SORCS3: variants seen among roughly 807,000 people sequenced by gnomAD.
The protein encoded by SORCS3 is sortilin related VPS10 domain containing receptor 3, also known as VPS10 domain-containing receptor SorCS3.
A neutral mutation model predicts 146.3 loss-of-function variants in SORCS3; 57 were observed. The ratio of observed to expected loss-of-function variants is 0.39; its 90% CI spans 0.31 to 0.49. The LOEUF is 0.49. Among genes scored for constraint, SORCS3 ranks in the 20% least tolerant of loss-of-function variants. SORCS3 has a pLI of 0.92. For missense variants in SORCS3, 1,341 were observed against 1,575.5 expected (o/e 0.85, Z 2.52); for synonymous variants, 653 against 618.5 (o/e 1.06, Z -0.83).
intron 7 of SORCS3, among the ~76,000 whole-genome samples, chr10:105,134,579 A>G (rs1019851057): frequency 6.6e-6 from 1 of 150,990 alleles, no homozygotes. Flanking sequence ...AAAGAAGCCT[A>G]GCTAGTTTTC....
intron 9 of SORCS3, among the ~76,000 whole-genome samples, chr10:105,149,501 C>A (rs930638435): frequency 5.3e-5 from 8 of 152,092 alleles, no homozygotes; most frequent in African/African-American, 1.9e-4. Flanking sequence ...CATTTCTATG[C>A]CTCTAATCAT....
intron 1 of SORCS3, among the ~76,000 whole-genome samples, chr10:104,821,462 G>T (rs1454187082): frequency 6.6e-6 from 1 of 152,172 alleles, no homozygotes; most frequent in Non-Finnish European, 1.5e-5. Context: ...GAGGGTTTGT[G>T]TTCCTTTTTG....
intron 1 of SORCS3, among the ~76,000 whole-genome samples, chr10:104,658,773 G>A (rs1012583895): frequency 1.3e-5 from 2 of 152,286 alleles, no homozygotes; most frequent in Admixed American, 1.3e-4. Context: ...ATTGTTACCT[G>A]AGTGGGCTCA....
intron 3 of SORCS3, among the ~76,000 whole-genome samples, chr10:104,938,078 C>A (rs1000812876): frequency 6.6e-6 from 1 of 152,188 alleles, no homozygotes; most frequent in African/African-American, 2.4e-5. Flanking sequence ...ACTCCCTATG[C>A]ATCACGAGCC....
intron 12 of SORCS3, among the ~76,000 whole-genome samples, chr10:105,165,799 C>G (rs773432727): frequency 6.6e-6 from 1 of 152,160 alleles, no homozygotes; most frequent in Non-Finnish European, 1.5e-5. Flanking sequence ...GTTGTCACTA[C>G]TTTTTCTTTC....
intron 1 of SORCS3, among the ~76,000 whole-genome samples, chr10:104,729,902 G>A (rs976935168): frequency 2.0e-5 from 3 of 152,212 alleles, no homozygotes; most frequent in Non-Finnish European, 4.4e-5. Context: ...AGCTTGGGGA[G>A]TGAGTGTACT....
At chr10:105,220,336 G>T (rs1370271553) in intron 19 of SORCS3, among the ~76,000 whole-genome samples, 1 of 152,156 alleles carries the variant, frequency 6.6e-6, no homozygotes, top group Non-Finnish European at 1.5e-5. Flanking sequence ...TTCAAGTTGT[G>T]AACGCCACAT....
intron 20 of SORCS3, among the ~76,000 whole-genome samples, chr10:105,240,947 A>AAAAAT: frequency 7.0e-6 from 1 of 143,620 alleles, no homozygotes; most frequent in South Asian, 2.5e-4. Context: ...CACTGAAAAA[A>AAAAAT]ATATATATAT....
At chr10:105,053,448 C>A (rs564397239) in intron 5 of SORCS3, among the ~76,000 whole-genome samples, 1 of 150,642 alleles carries the variant, frequency 6.6e-6, no homozygotes, top group African/African-American at 2.4e-5. Flanking sequence ...TTTTTTTTTT[C>A]TGGTTGGAAA....
chr10:104,794,622 G>GGAGGGAGAGAGAGAGAGAGAGAGA (rs1481811209), intron 1 of SORCS3, among the ~76,000 whole-genome samples: 124 of 41,368 alleles, frequency 3.0e-3, no homozygotes, highest in Admixed American at 5.7e-3. Flanking sequence ...AGAGAGGGAG[G>GGAGGGAGAGAGAGAGAGAGAGAGA]GAGAGAGAGA....
intron 1 of SORCS3, among the ~76,000 whole-genome samples, chr10:104,649,463 T>C (rs1354986310): frequency 2.3e-4 from 35 of 152,236 alleles, no homozygotes; most frequent in Admixed American, 2.3e-3. Flanking sequence ...TTGTTATTTT[T>C]ATATCTGGAA....
At chr10:104,981,048 T>A (rs955797568) in intron 4 of SORCS3, among the ~76,000 whole-genome samples, 6 of 152,126 alleles carry the variant, frequency 3.9e-5, no homozygotes, top group Admixed American at 3.9e-4. Context: ...GGGGGGCAGA[T>A]GTACCTTCCA....
chr10:104,973,130 C>T (rs2054871027), intron 3 of SORCS3, among the ~76,000 whole-genome samples: 3 of 152,150 alleles, frequency 2.0e-5, no homozygotes, highest in African/African-American at 7.2e-5. Flanking sequence ...CATCAATGTT[C>T]ATCAAGGATA....
At chr10:104,867,193 G>GCA (rs747527474) in intron 2 of SORCS3, among the ~76,000 whole-genome samples, 114 of 77,778 alleles carry the variant, frequency 1.5e-3, no homozygotes, top group Admixed American at 2.0e-3. Context: ...AACTGGGTGG[G>GCA]CTTGGGAGAG....
intron 1 of SORCS3, among the ~76,000 whole-genome samples, chr10:104,821,761 CTT>C (rs2017875582): frequency 6.6e-6 from 1 of 152,186 alleles, no homozygotes; most frequent in Admixed American, 6.5e-5. Context: ...TCACCAATGT[CTT>C]TGAGTTGGCA....
At chr10:105,008,897 G>A (rs529861427) in intron 4 of SORCS3, among the ~76,000 whole-genome samples, 11 of 152,236 alleles carry the variant, frequency 7.2e-5, no homozygotes, top group African/African-American at 2.2e-4. Context: ...TCTGCCTGCC[G>A]TGGCCTCTCA....
intron 3 of SORCS3, among the ~76,000 whole-genome samples, chr10:104,940,245 T>A (rs1452950318): frequency 3.5e-3 from 178 of 50,160 alleles, no homozygotes; most frequent in African/African-American, 0.016. Flanking sequence ...TATATTTTTT[T>A]TTTTTTTTTT....
chr10:105,088,204 C>T (rs929304097), intron 5 of SORCS3, among the ~76,000 whole-genome samples: 2 of 152,184 alleles, frequency 1.3e-5, no homozygotes, highest in Non-Finnish European at 2.9e-5. Context: ...TGGCCTTAGG[C>T]AGACATCCAT....
intron 3 of SORCS3, among the ~76,000 whole-genome samples, chr10:104,928,597 G>A (rs2019174626): frequency 6.6e-6 from 1 of 151,794 alleles, no homozygotes; most frequent in Non-Finnish European, 1.5e-5. Context: ...CCCAGTTCGT[G>A]CCCCCATTAC....
Sources: allele counts gnomAD v4.1 joint callset (sites outside exome capture counted in the v4.1 genomes callset), GRCh38; gene constraint gnomAD v4.1.1; transcripts MANE v1.5; gene names NCBI Gene and HGNC (gene_info 2026-07-23, HGNC 2026-07-21).